ZMYND11: variants seen among roughly 807,000 people sequenced by gnomAD.
ZMYND11 encodes zinc finger MYND domain-containing protein 11.
A neutral mutation model predicts 84.9 loss-of-function variants in ZMYND11; 9 were observed. The ratio of observed to expected loss-of-function variants is 0.11; its 90% confidence interval spans 0.06 to 0.18. The LOEUF (loss-of-function observed/expected upper bound fraction) is 0.18, where lower values mean the gene tolerates loss of function less well. ZMYND11 is among the 10% of genes least tolerant of loss of function. ZMYND11 has a pLI of 1.00. For missense variants in ZMYND11, 409 were observed against 761.0 expected (o/e 0.54, Z 5.44); for synonymous variants, 250 against 244.1 (o/e 1.02, Z -0.23).
intron 1 of ZMYND11, among the ~76,000 whole-genome samples, chr10:175,737 T>C (rs1418595985): frequency 2.6e-5 from 4 of 152,144 alleles, no homozygotes; most frequent in African/African-American, 9.7e-5. Flanking sequence ...AAGCATTGTA[T>C]GGATAAACCT....
At chr10:153,047 T>C (rs1424077739) in intron 1 of ZMYND11, among the ~76,000 whole-genome samples, 1 of 152,232 alleles carries the variant, frequency 6.6e-6, no homozygotes, top group East Asian at 1.9e-4. Flanking sequence ...CTGTTTGTAT[T>C]GGAACAGATT....
chr10:178,146 T>C (rs1290115584), intron 1 of ZMYND11, among the ~76,000 whole-genome samples: 4 of 152,244 alleles, frequency 2.6e-5, no homozygotes, highest in Non-Finnish European at 4.4e-5. Context: ...TCTGAATTTT[T>C]ATAGCACATA....
At chr10:230,324 T>C (rs1016938058) in intron 4 of ZMYND11, among the ~76,000 whole-genome samples, 1 of 151,278 alleles carries the variant, frequency 6.6e-6, no homozygotes, top group Non-Finnish European at 1.5e-5. Flanking sequence ...AATACAAAAA[T>C]TAGCCCAGCA....
At chr10:242,343 T>G (rs912988320) in intron 10 of ZMYND11, among the ~76,000 whole-genome samples, 10 of 152,192 alleles carry the variant, frequency 6.6e-5, no homozygotes, top group African/African-American at 1.9e-4. Context: ...TTTTAATAAC[T>G]GACACTGTTG....
At chr10:202,756 G>A (rs548465842) in intron 2 of ZMYND11, among the ~76,000 whole-genome samples, 10 of 152,152 alleles carry the variant, frequency 6.6e-5, no homozygotes, top group East Asian at 5.8e-4. Flanking sequence ...GATAGAGAAC[G>A]AAATGACCAG....
chr10:205,789 A>T (rs1037366386), intron 2 of ZMYND11, among the ~76,000 whole-genome samples: 2 of 151,728 alleles, frequency 1.3e-5, no homozygotes, highest in African/African-American at 4.9e-5. Context: ...GTAATTTTTA[A>T]GTAACTTTTT....
Position 240,990 on chromosome 10 carries a change from C to G in ZMYND11, c.831+20C>G, listed in dbSNP as rs1564447428. 2 of 1,588,662 alleles carry G rather than the reference C, an allele frequency of 1.3e-6. No homozygotes were observed. Among genetic ancestry groups the G allele is most frequent in the Non-Finnish European group, 1.7e-6 (2 of 1,158,026 alleles). Reference sequence around the variant, plus strand: ...CCTTGTGTATGTGAAATTTTTACCTCAAGTGTGTAACATACAGCTCTAAGG... The same window carrying G: ...CCTTGTGTATGTGAAATTTTTACCTGAAGTGTGTAACATACAGCTCTAAGG... On this transcript the variant is annotated intron_variant, in intron 9 of 14. Transcript: ENST00000381604.
rs139164601 is a variant in ZMYND11, at chr10:190,693, G to A, written c.116+10565G>A. On this transcript the variant is annotated intron_variant, in intron 2 of 14. Coordinates refer to ENST00000381604, the MANE Select transcript of ZMYND11 (RefSeq NM_001370100.5). ...GACGTTTCTTCTTTTCATACCCAGC[G>A]TCTCCCTACTCAGTGTTCCACCTGA... 2.9e-3 allele frequency among the ~76,000 whole-genome samples: 448 copies of A among 152,204 alleles called. 1 individual carries two copies. The highest frequency in any genetic ancestry group is 0.01 in the African/African-American group (430 of 41,524).
intron 1 of ZMYND11, chr10:155,054 G>A (rs1841382481): frequency 6.6e-6 from 1 of 152,214 alleles, no homozygotes; most frequent in East Asian, 1.9e-4. Flanking sequence ...GACTTTAAAA[G>A]AAGAATCAGT....
intron 1 of ZMYND11, among the ~76,000 whole-genome samples, chr10:138,099 A>T (rs1425648859): frequency 7.5e-5 from 11 of 146,786 alleles, no homozygotes; most frequent in African/African-American, 2.5e-4. Context: ...ACTGAATACC[A>T]TTCTGTTGGC....
At chr10:156,366 T>C (rs1398559201) in intron 1 of ZMYND11, among the ~76,000 whole-genome samples, 1 of 152,226 alleles carries the variant, frequency 6.6e-6, no homozygotes, top group African/African-American at 2.4e-5. Flanking sequence ...AAATAAACGT[T>C]ACAGTTGCAA....
chr10:141,081 TACAC>T (rs782501972), intron 1 of ZMYND11, among the ~76,000 whole-genome samples: 33 of 152,234 alleles, frequency 2.2e-4, no homozygotes, highest in Non-Finnish European at 4.3e-4. Flanking sequence ...TTCGCTGAAA[TACAC>T]ACAGTATTTT....
intron 1 of ZMYND11, among the ~76,000 whole-genome samples, chr10:150,513 A>G (rs1554756684): frequency 6.6e-6 from 1 of 151,308 alleles, no homozygotes; most frequent in Admixed American, 6.6e-5. Context: ...TTTCTTCTTT[A>G]TTAGTCTTGC....
intron 2 of ZMYND11, among the ~76,000 whole-genome samples, chr10:187,712 G>A (rs940170773): frequency 1.3e-5 from 2 of 152,008 alleles, no homozygotes; most frequent in African/African-American, 4.8e-5. Context: ...TATTAAAAGG[G>A]TCAGTCTGAA....
chr10:240,161 T>G, intron 8 of ZMYND11, 50 bp downstream of exon 8: 2 of 1,427,104 alleles, frequency 1.4e-6, no homozygotes, highest in Non-Finnish European at 1.9e-6. Context: ...TGAAATTAAT[T>G]TATTTCAGGA....
intron 3 of ZMYND11, among the ~76,000 whole-genome samples, chr10:215,055 A>G (rs1270042211): frequency 2.6e-5 from 4 of 152,240 alleles, no homozygotes; most frequent in African/African-American, 4.8e-5. Flanking sequence ...GTCGTTTGCA[A>G]TTGAGGCGGT....
chr10:146,690 G>A (rs754426192), intron 1 of ZMYND11, among the ~76,000 whole-genome samples: 8 of 152,126 alleles, frequency 5.3e-5, no homozygotes, highest in Non-Finnish European at 1.2e-4. Context: ...ATATGGTTTG[G>A]CCATGTCCCC....
At chr10:242,244 G>GGA in intron 10 of ZMYND11, 105 bp downstream of exon 10, 3 of 1,326,198 alleles carry the variant, frequency 2.3e-6, no homozygotes, top group East Asian at 5.1e-5. Context: ...TTTTAAATTG[G>GGA]AAAAAAAAAA....
chr10:183,932 T>C (rs1848408406), intron 2 of ZMYND11, among the ~76,000 whole-genome samples: 1 of 152,192 alleles, frequency 6.6e-6, no homozygotes, highest in Non-Finnish European at 1.5e-5. Flanking sequence ...CTTTTAGTTT[T>C]AAAATGTATT....
Sources: gnomAD v4.1 joint callset for allele counts (sites outside exome capture counted in the v4.1 genomes callset) on GRCh38, gnomAD v4.1.1 for gene constraint, MANE v1.5 for transcripts, NCBI Gene and HGNC (gene_info 2026-07-23, HGNC 2026-07-21) for gene names.